The following TAB3 variants were observed in gnomAD, a reference collection of about 807,000 sequenced individuals.
TAB3 encodes TGF-beta-activated kinase 1 and MAP3K7-binding protein 3.
TAB3 carries 18 observed loss-of-function variants against 48.1 expected under a neutral mutation model. The observed-to-expected ratio is 0.37, with a 90% CI of 0.26 to 0.55. The LOEUF (loss-of-function observed/expected upper bound fraction) is 0.55. Ranked by LOEUF, TAB3 falls within the 20% of genes least tolerant of loss-of-function variation. The pLI is 0.78. For missense variants in TAB3, 414 were observed against 549.8 expected, an observed-to-expected ratio of 0.75 and a Z score of 2.47; for synonymous variants, 185 against 190.2, an observed-to-expected ratio of 0.97 and a Z score of 0.22.
At chrX:30,835,884 C>T (rs1318354641) in intron 9 of TAB3, 1 of 112,351 alleles carries the variant, frequency 8.9e-6, no homozygotes, top group Non-Finnish European at 1.9e-5. Flanking sequence ...AACTCCAAGA[C>T]ATTTATTTAT....
At chrX:30,869,529 G>A (rs1334914208) in intron 2 of TAB3, among the ~76,000 whole-genome samples, 2 of 112,067 alleles carry the variant, frequency 1.8e-5, no homozygotes, top group Non-Finnish European at 3.8e-5. Flanking sequence ...TATAAATCTT[G>A]AGAACAAGAA....
Position 30,829,221 on chromosome X carries a change from T to C in TAB3, c.*2206A>G, listed in dbSNP as rs755920696. ...TTAACCTTGATGTATTTTCATGCAA[T>C]AGTTTTAAAGTCATCTACATGGTTT... On this transcript the variant is annotated 3_prime_UTR_variant, in exon 11 of 11. Coordinates refer to ENST00000288422, the MANE Select transcript of TAB3 (RefSeq NM_152787.5). 8.9e-6 allele frequency: 1 copy of C among 112,302 alleles called. No homozygotes were observed. The highest frequency in any genetic ancestry group is 1.9e-5 in the Non-Finnish European group (1 of 53,227). 9.3% of individuals were successfully genotyped at this position (112,302 alleles called of 1,213,427 possible).
intron 4 of TAB3, among the ~76,000 whole-genome samples, chrX:30,861,965 T>C (rs929407175): frequency 2.7e-5 from 3 of 112,159 alleles, no homozygotes; most frequent in Non-Finnish European, 3.8e-5. Context: ...CAGTGCTCAG[T>C]AGCCACCTGT....
In TAB3 at chrX:30,868,353, TTA is replaced by T. The variant is rs1176402515; in HGVS notation, c.-279-806_-279-805del. 2.8e-3 allele frequency among the ~76,000 whole-genome samples: 22 copies of T among 7,763 alleles called. 1 individual carries two copies. Among genetic ancestry groups the T allele is most frequent in the East Asian group, 5.0e-3 (3 of 598 alleles). The allele number at this position is 7,763 out of a possible 115,157, so 6.7% of individuals were successfully genotyped here. A position where few individuals can be genotyped will look rare whatever the true frequency, so the allele number is the denominator to read the frequency against. ...ATATATAAGCTTTTATATATATAGC[TTA>T]TATATATATATATAGCTTATATATA... On this transcript the variant is annotated intron_variant, in intron 2 of 10. Coordinates refer to ENST00000288422, the MANE Select transcript of TAB3 (RefSeq NM_152787.5).
chrX:30,870,849 A>G (rs780392530), intron 2 of TAB3, among the ~76,000 whole-genome samples: 136 of 112,343 alleles, frequency 1.2e-3, no homozygotes, highest in African/African-American at 4.1e-3. Flanking sequence ...AAAATTATCC[A>G]GCCCAAGATG....
intron 1 of TAB3, among the ~76,000 whole-genome samples, chrX:30,873,009 G>C (rs942101073): frequency 8.9e-6 from 1 of 112,116 alleles, no homozygotes; most frequent in Non-Finnish European, 1.9e-5. Context: ...GAATGGCATA[G>C]TCTGAGGATG....
intron 8 of TAB3, chrX:30,846,338 A>G: frequency 5.5e-6 from 2 of 362,972 alleles, no homozygotes; most frequent in East Asian, 4.5e-5. Flanking sequence ...GAACAGTCTA[A>G]ATGATAAGAA....
intron 1 of TAB3, among the ~76,000 whole-genome samples, chrX:30,875,301 C>T (rs1185381370): frequency 8.9e-6 from 1 of 111,832 alleles, no homozygotes. Context: ...CCTCTTAGGC[C>T]CAGTTTCCTA....
chrX:30,850,547 C>A (rs1005509642), intron 7 of TAB3, among the ~76,000 whole-genome samples: 1 of 109,105 alleles, frequency 9.2e-6, no homozygotes, highest in Non-Finnish European at 1.9e-5. Flanking sequence ...CCCGTCTCTA[C>A]TAAAGATACA....
intron 10 of TAB3, among the ~76,000 whole-genome samples, chrX:30,833,639 G>C (rs1938095819): frequency 9.1e-6 from 1 of 109,722 alleles, no homozygotes; most frequent in Non-Finnish European, 1.9e-5. Flanking sequence ...ATACCATCCT[G>C]GCTAACACAG....
At chrX:30,886,047 T>C (rs1165571099) in intron 1 of TAB3, among the ~76,000 whole-genome samples, 1 of 112,092 alleles carries the variant, frequency 8.9e-6, no homozygotes, top group African/African-American at 3.3e-5. Context: ...ATGTTAGAGT[T>C]GGACAAATAG....
Position 30,828,618 on chromosome X carries a change from T to G in TAB3, c.*2809A>C, listed in dbSNP as rs775285238. Reference sequence around the variant, plus strand: ...TAAGGGGCAATGTACTTTAACAAAATGGCAAACGTGCTTTCTAAAATCCCA... The same window carrying G: ...TAAGGGGCAATGTACTTTAACAAAAGGGCAAACGTGCTTTCTAAAATCCCA... On this transcript the variant is annotated 3_prime_UTR_variant, in exon 11 of 11. Transcript: ENST00000288422. 8.9e-6 allele frequency: 1 copy of G among 112,565 alleles called. No individual in the cohort carries two copies. Among genetic ancestry groups the G allele is most frequent in the Non-Finnish European group, 1.9e-5 (1 of 53,421 alleles). The allele number at this position is 112,565 out of a possible 1,213,427, so 9.3% of individuals were successfully genotyped here.
Position 30,855,282 on chromosome X carries a change from G to A in TAB3, c.383C>T (p.Pro128Leu). The A allele has an allele frequency of 8.3e-7, 1 of 1,211,672 alleles. No individual in the cohort carries two copies. Among genetic ancestry groups the A allele is most frequent in the Non-Finnish European group, 1.1e-6 (1 of 895,495 alleles). ...ICLVQEPHSA[P>L]AVVAATPNYN... ...GTTGGGAGTAGCAGCAACAACAGCT[G>A]GAGCTGAGTGTGGTTCTTGAACTAA... is the stretch of plus-strand genomic sequence containing the variant. Residue 128 changes from proline (P) to leucine (L), a missense_variant, in exon 6 of 11, where the codon CCA becomes CTA. Transcript: ENST00000288422.
chrX:30,849,382 G>T (rs1027599475), intron 7 of TAB3, among the ~76,000 whole-genome samples: 1 of 112,415 alleles, frequency 8.9e-6, no homozygotes, highest in African/African-American at 3.2e-5. Flanking sequence ...TCACAAATGT[G>T]CACTGCAGTA....
chrX:30,836,948 C>T (rs906698965), intron 9 of TAB3: 1 of 110,870 alleles, frequency 9.0e-6, no homozygotes, highest in African/African-American at 3.3e-5. Context: ...TAATGCAAGC[C>T]TTATTCAATG....
At chrX:30,842,029 G>A (rs754485676) in intron 9 of TAB3, among the ~76,000 whole-genome samples, 1 of 112,169 alleles carries the variant, frequency 8.9e-6, no homozygotes, top group Non-Finnish European at 1.9e-5. Context: ...GGCTAGTCTC[G>A]AACTCCTGGC....
intron 8 of TAB3, chrX:30,843,745 C>T (rs1938532004): frequency 9.0e-6 from 1 of 111,135 alleles, no homozygotes; most frequent in Non-Finnish European, 1.9e-5. Context: ...AAATTTTCAC[C>T]TGTCTGTCTT....
intron 1 of TAB3, among the ~76,000 whole-genome samples, chrX:30,873,223 A>G (rs1939712321): frequency 1.8e-5 from 2 of 112,375 alleles, no homozygotes; most frequent in Non-Finnish European, 3.8e-5. Flanking sequence ...GTCTACTTAT[A>G]TGTGGATTTT....
rs1938028726 is a variant in TAB3 at position 30,831,381 on chromosome X, T to C, written c.*46A>G. 1 of 1,179,626 alleles carries C rather than the reference T, an allele frequency of 8.5e-7. No individual in the cohort carries two copies. ...GTCCCGAGGTTTCCTTTTCTTCTGG[T>C]AGTGCTCAAAGTTTCACTTTCAACC... On this transcript the variant is annotated 3_prime_UTR_variant, in exon 11 of 11. Transcript: ENST00000288422.
Sources: gnomAD v4.1 joint callset for allele counts (sites outside exome capture counted in the v4.1 genomes callset) on GRCh38, gnomAD v4.1.1 for gene constraint, MANE v1.5 for transcripts, NCBI Gene and HGNC (gene_info 2026-07-23, HGNC 2026-07-21) for gene names.